RBFOX1: variants seen among roughly 807,000 people sequenced by gnomAD.
The protein encoded by RBFOX1 is RNA binding protein fox-1 homolog 1.
RBFOX1 carries 8 observed loss-of-function variants against 57.7 expected under a neutral mutation model. The ratio of observed to expected loss-of-function variants is 0.14; its 90% CI spans 0.08 to 0.25. The LOEUF is 0.25. Ranked by LOEUF, RBFOX1 falls within the 10% of genes least tolerant of loss-of-function variation. The pLI, the probability that RBFOX1 is intolerant of heterozygous loss-of-function variation, is 1.00. For missense variants in RBFOX1, 611 were observed against 548.5 expected (o/e 1.11, Z -1.14); for synonymous variants, 326 against 222.4 (o/e 1.47, Z -4.15).
At chr16:5,837,559 G>A (rs2056499479) in intron 3 of RBFOX1, among the ~76,000 whole-genome samples, 1 of 151,082 alleles carries the variant, frequency 6.6e-6, no homozygotes, top group African/African-American at 2.4e-5. Flanking sequence ...TGGGGCAGGA[G>A]GAGGTGGAAA....
chr16:6,941,711 A>T (rs1429709662), intron 3 of RBFOX1, among the ~76,000 whole-genome samples: 4 of 152,116 alleles, frequency 2.6e-5, no homozygotes, highest in Non-Finnish European at 5.9e-5. Context: ...GTGGATAGAC[A>T]GAGAGAGATT....
At chr16:6,668,808 A>C (rs990225910) in intron 3 of RBFOX1, among the ~76,000 whole-genome samples, 1 of 30,980 alleles carries the variant, frequency 3.2e-5, no homozygotes, top group Middle Eastern at 0.02. Context: ...TTTACTTAAA[A>C]GAAGCAAGTC....
At chr16:5,807,784 T>G (rs572202758) in intron 3 of RBFOX1, among the ~76,000 whole-genome samples, 1 of 152,252 alleles carries the variant, frequency 6.6e-6, no homozygotes, top group South Asian at 2.1e-4. Flanking sequence ...CTTGTTTACT[T>G]GGCCTGGGAT....
chr16:6,395,618 C>A (rs866620942), intron 2 of RBFOX1, among the ~76,000 whole-genome samples: 1 of 151,918 alleles, frequency 6.6e-6, no homozygotes, highest in African/African-American at 2.4e-5. Flanking sequence ...AGATTCATAA[C>A]ATTTGGATTA....
At chr16:6,268,965 AAACATCCTC>A (rs2074883802) in intron 1 of RBFOX1, among the ~76,000 whole-genome samples, 1 of 152,210 alleles carries the variant, frequency 6.6e-6, no homozygotes, top group Non-Finnish European at 1.5e-5. Flanking sequence ...TATAACCTAA[AAACATCCTC>A]CTGTATGCTT....
chr16:6,755,185 A>G lies in RBFOX1; in HGVS notation c.-16+100535A>G, dbSNP rs538584035. Among the ~76,000 whole-genome samples, 84 of 152,304 alleles carry G rather than the reference A, an allele frequency of 5.5e-4. 1 individual carries two copies. The highest frequency in any genetic ancestry group is 3.4e-3 in the Middle Eastern group (1 of 294). ...AACATACGTGTGCATGTGTCTTTAT[A>G]GCAGCATGATTTATAGTCCTTTGGG... On this transcript the variant is annotated intron_variant, in intron 3 of 15. Coordinates refer to ENST00000550418, the MANE Select transcript of RBFOX1 (RefSeq NM_018723.4).
At chr16:6,830,512 G>GT (rs1458053309) in intron 3 of RBFOX1, among the ~76,000 whole-genome samples, 1 of 152,146 alleles carries the variant, frequency 6.6e-6, no homozygotes, top group Non-Finnish European at 1.5e-5. Flanking sequence ...AACTGAGACT[G>GT]TTTTGTTCCC....
At chr16:5,790,880 T>G (rs1449718701) in intron 3 of RBFOX1, among the ~76,000 whole-genome samples, 23 of 151,622 alleles carry the variant, frequency 1.5e-4, no homozygotes, top group Admixed American at 4.6e-4. Flanking sequence ...TTTTGTTTTT[T>G]TTTTTTGAGA....
intron 1 of RBFOX1, among the ~76,000 whole-genome samples, chr16:5,268,487 C>G (rs1286844761): frequency 6.6e-6 from 1 of 152,176 alleles, no homozygotes; most frequent in Non-Finnish European, 1.5e-5. Flanking sequence ...ACGTGCAAAT[C>G]CCCTCATCAT....
chr16:5,520,284 T>C lies in RBFOX1; in HGVS notation c.258+53030T>C, dbSNP rs576270919. On this transcript the variant is annotated intron_variant, in intron 2 of 2. Transcript: ENST00000585867. ...TTGGAATTCCTACCCATTAGAAAAT[T>C]TTCATGTTCAGGTAGTAGGAATCTC... 5.3e-5 allele frequency among the ~76,000 whole-genome samples: 8 copies of C among 152,198 alleles called. No homozygotes were observed. The South Asian group carries it at 1.7e-3, about 32-fold the overall frequency.
intron 3 of RBFOX1, among the ~76,000 whole-genome samples, chr16:6,840,532 G>T (rs912539569): frequency 1.3e-5 from 2 of 152,048 alleles, no homozygotes; most frequent in African/African-American, 4.8e-5. Flanking sequence ...TTAGAAAATG[G>T]GATCTTTGGG....
chr16:5,867,204 T>A (rs1161470567), intron 3 of RBFOX1: 7 of 758,306 alleles, frequency 9.2e-6, no homozygotes, highest in South Asian at 6.9e-5. Context: ...TCCCCTCGGG[T>A]CATAACAAAT....
At chr16:5,722,986 T>C (rs766116462) in intron 3 of RBFOX1, among the ~76,000 whole-genome samples, 46 of 152,346 alleles carry the variant, frequency 3.0e-4, no homozygotes, top group Non-Finnish European at 5.1e-4. Flanking sequence ...TCCACTGCCA[T>C]ATTCGCATAC....
At chr16:5,774,562 A>G (rs1209092519) in intron 3 of RBFOX1, among the ~76,000 whole-genome samples, 1 of 152,236 alleles carries the variant, frequency 6.6e-6, no homozygotes, top group Non-Finnish European at 1.5e-5. Flanking sequence ...AGTTATCAAT[A>G]GCTAAACATT....
At chr16:6,040,215 T>C (rs2095421092) in intron 1 of RBFOX1, among the ~76,000 whole-genome samples, 1 of 152,252 alleles carries the variant, frequency 6.6e-6, no homozygotes, top group Non-Finnish European at 1.5e-5. Flanking sequence ...ATAAAATAAA[T>C]GTTACCGTCT....
chr16:5,268,060 CAG>C (rs369561741), intron 1 of RBFOX1, among the ~76,000 whole-genome samples: 16 of 150,610 alleles, frequency 1.1e-4, no homozygotes, highest in African/African-American at 3.7e-4. Context: ...GCCTGGGAGA[CAG>C]AGCGAGATTC....
intron 3 of RBFOX1, among the ~76,000 whole-genome samples, chr16:5,652,212 T>A (rs1227046033): frequency 1.3e-5 from 2 of 152,228 alleles, no homozygotes. Context: ...ATTACTAGTC[T>A]TTAGATACCA....
intron 3 of RBFOX1, among the ~76,000 whole-genome samples, chr16:6,754,389 CAA>C (rs2075445494): frequency 6.6e-6 from 1 of 152,172 alleles, no homozygotes; most frequent in Non-Finnish European, 1.5e-5. Context: ...TTTGTAAAAG[CAA>C]AGTCATCTTG....
At position 6,041,010 on chromosome 16, in the gene RBFOX1, T is replaced by C. The variant is rs564593008; in HGVS notation, c.-127+21018T>C. Among the ~76,000 whole-genome samples, 8 of 152,322 alleles carry C rather than the reference T, an allele frequency of 5.3e-5. No homozygotes were observed. The East Asian group carries it at 1.5e-3, about 29-fold the overall frequency. ...CGTGTTTTAGCTATTATGACAGTTT[T>C]ATGGGTTTGGACAAATACATAATGT... is the stretch of plus-strand genomic sequence containing the variant. On this transcript the variant is annotated intron_variant, in intron 1 of 15. Transcript: ENST00000550418.
Sources: allele counts gnomAD v4.1 joint callset (sites outside exome capture counted in the v4.1 genomes callset), GRCh38; gene constraint gnomAD v4.1.1; transcripts MANE v1.5; gene names NCBI Gene and HGNC (gene_info 2026-07-23, HGNC 2026-07-21).